Variants in CREB3L2 observed in about 807,000 individuals in gnomAD.
CREB3L2 encodes cAMP responsive element binding protein 3 like 2.
In CREB3L2, 23 loss-of-function variants were observed where a neutral mutation model predicts 57.2. The observed-to-expected ratio is 0.40, with a 90% CI of 0.29 to 0.57. The LOEUF (loss-of-function observed/expected upper bound fraction) is 0.57. Among genes scored for constraint, CREB3L2 ranks in the 20% least tolerant of loss-of-function variants. CREB3L2 has a pLI of 0.42. For missense variants in CREB3L2, 628 were observed against 634.7 expected (o/e 0.99, Z 0.11); for synonymous variants, 268 against 265.1 (o/e 1.01, Z -0.11).
chr7:137,964,080 C>T (rs1585662410), intron 1 of CREB3L2, among the ~76,000 whole-genome samples: 1 of 152,076 alleles, frequency 6.6e-6, no homozygotes, highest in Non-Finnish European at 1.5e-5. Flanking sequence ...TTTGGGAGGT[C>T]GTGGCGGGCG....
At chr7:137,985,155 A>T (rs758961133) in intron 1 of CREB3L2, among the ~76,000 whole-genome samples, 1 of 152,202 alleles carries the variant, frequency 6.6e-6, no homozygotes, top group South Asian at 2.1e-4. Context: ...GACATTATGG[A>T]AAGGGGGAAG....
intron 8 of CREB3L2, among the ~76,000 whole-genome samples, chr7:137,895,826 CAT>C (rs1312080408): frequency 1.3e-5 from 2 of 152,202 alleles, no homozygotes; most frequent in Non-Finnish European, 2.9e-5. Context: ...CCATGCCATG[CAT>C]ATGAAACAAT....
chr7:137,884,928 A>C, intron 10 of CREB3L2, 67 bp downstream of exon 10: 1 of 1,588,888 alleles, frequency 6.3e-7, no homozygotes, highest in Non-Finnish European at 8.6e-7. Flanking sequence ...TCCTTTTGGA[A>C]GACTGAGAAA....
chr7:137,964,114 T>C (rs1463593678), intron 1 of CREB3L2, among the ~76,000 whole-genome samples: 1 of 151,938 alleles, frequency 6.6e-6, no homozygotes, highest in Non-Finnish European at 1.5e-5. Flanking sequence ...CAGGAGTTCG[T>C]AGACCAGCCT....
chr7:137,942,253 T>C (rs1455154212), intron 1 of CREB3L2, among the ~76,000 whole-genome samples: 1 of 152,244 alleles, frequency 6.6e-6, no homozygotes, highest in Non-Finnish European at 1.5e-5. Flanking sequence ...GTTCCTACTT[T>C]GGTGGCACTG....
chr7:137,897,982 G>C (rs1799663011), intron 8 of CREB3L2, among the ~76,000 whole-genome samples: 1 of 152,190 alleles, frequency 6.6e-6, no homozygotes, highest in South Asian at 2.1e-4. Flanking sequence ...GCAGCCCACG[G>C]ATTGGGAGAA....
rs112746477 is a variant in CREB3L2, at chr7:137,886,725, G to GAAA, written c.1044-1226_1044-1224dup. 6.2e-3 allele frequency among the ~76,000 whole-genome samples: 896 copies of GAAA among 143,378 alleles called. 14 individuals carry two copies. The highest frequency in any genetic ancestry group is 0.021 in the African/African-American group (816 of 39,686). 94.1% of individuals were successfully genotyped at this position (143,378 alleles called of 152,430 possible). On this transcript the variant is annotated intron_variant, in intron 8 of 11. Transcript: ENST00000330387. ...GGAAAAAGACAAGAGAGCAAGAGCA[G>GAAA]AAAAAAAAAAAGGAGACGTTTTATC... is the stretch of plus-strand genomic sequence containing the variant.
chr7:137,912,291 C>T (rs560329103), intron 4 of CREB3L2, among the ~76,000 whole-genome samples: 3 of 151,338 alleles, frequency 2.0e-5, no homozygotes, highest in African/African-American at 4.9e-5. Context: ...GCACAAGAAT[C>T]GCTTGAACCT....
At chr7:137,946,936 TTATATATATAGTTA>T (rs1801004485) in intron 1 of CREB3L2, among the ~76,000 whole-genome samples, 3 of 92,612 alleles carry the variant, frequency 3.2e-5, no homozygotes, top group African/African-American at 1.5e-4. Flanking sequence ...ATATATATAG[TTATATATATAGTTA>T]TATATATATA....
At position 137,885,075 on chromosome 7, in the gene CREB3L2, C is replaced by T. The variant is rs955251930; in HGVS notation, c.1190G>A (p.Gly397Asp). 6.2e-7 allele frequency: 1 copy of T among 1,614,172 alleles called. No individual in the cohort carries two copies. Among genetic ancestry groups the T allele is most frequent in the Non-Finnish European group, 8.5e-7 (1 of 1,180,030 alleles). The change falls in exon 10 of 12, where the codon GGC (glycine) becomes GAC (aspartate). Residue 397 changes from glycine to aspartate, a missense_variant. Coordinates refer to ENST00000330387, the MANE Select transcript of CREB3L2 (RefSeq NM_194071.4). ...GGTGGCAGAAGGATAGGGCCCGTAG[C>T]CTTGAAAGAAGCTGCCGAATGCAAC... ...FAVAFGSFFQGYGPYPSATKM... is the reference protein window; with the variant it reads ...FAVAFGSFFQDYGPYPSATKM...
chr7:137,952,945 G>A (rs531277464), intron 1 of CREB3L2, among the ~76,000 whole-genome samples: 11 of 152,172 alleles, frequency 7.2e-5, no homozygotes, highest in African/African-American at 2.2e-4. Flanking sequence ...AGCCTCTAAC[G>A]TAGCTGGATT....
chr7:137,957,829 A>C (rs186301826), intron 1 of CREB3L2: 36 of 1,249,576 alleles, frequency 2.9e-5, no homozygotes, highest in Admixed American at 4.6e-5. Context: ...GTATTAATTC[A>C]TCAATAAGCA....
At chr7:137,892,975 A>G (rs1344860595) in intron 8 of CREB3L2, among the ~76,000 whole-genome samples, 2 of 152,136 alleles carry the variant, frequency 1.3e-5, no homozygotes, top group African/African-American at 2.4e-5. Flanking sequence ...ACAAAAGACA[A>G]CCATATCAGC....
At chr7:137,975,670 C>T (rs1261894063) in intron 1 of CREB3L2, among the ~76,000 whole-genome samples, 3 of 152,116 alleles carry the variant, frequency 2.0e-5, no homozygotes, top group Non-Finnish European at 4.4e-5. Flanking sequence ...TCCAGCACCT[C>T]AACATCCAAT....
chr7:137,913,174 G>A, intron 3 of CREB3L2, 96 bp from the exon 4 acceptor site: 1 of 1,258,514 alleles, frequency 7.9e-7, no homozygotes, highest in South Asian at 1.5e-5. Context: ...TTCCTCTCGG[G>A]ACAGCCCTGC....
In CREB3L2 at chr7:137,903,976, C is replaced by G. The variant is rs1164628047; in HGVS notation, c.957G>C (p.Met319Ile). Residue 319 changes from methionine to isoleucine, a missense_variant, in exon 7 of 12, where the codon ATG (methionine) becomes ATC (isoleucine). Met to Ile is a conservative substitution (Grantham distance 10, BLOSUM62 1). This residue lies in a region of CREB3L2 where 272 missense variants were observed against 242.7 expected (regional missense o/e 1.12). Coordinates refer to ENST00000330387, the MANE Select transcript of CREB3L2 (RefSeq NM_194071.4). The stretch of plus-strand genomic sequence containing the variant: ...AGGCTTACTTTTTCTCCAGGCTGTC[C>G]ATGTATTCTTTCTTCTTTCTCCTAC... Reference protein sequence around the residue: ...QESRRKKKEYMDSLEKKVESC... With the variant: ...QESRRKKKEYIDSLEKKVESC... 6.2e-7 allele frequency: 1 copy of G among 1,613,858 alleles called. No homozygotes were observed. Among genetic ancestry groups the G allele is most frequent in the Non-Finnish European group, 8.5e-7 (1 of 1,179,760 alleles).
chr7:137,916,891 T>C (rs1800150115), intron 2 of CREB3L2, among the ~76,000 whole-genome samples: 1 of 151,812 alleles, frequency 6.6e-6, no homozygotes, highest in Non-Finnish European at 1.5e-5. Flanking sequence ...ACATGGTGAG[T>C]AGGTCTCTCT....
In CREB3L2 at chr7:137,908,398, T is replaced by A; in HGVS notation, c.622A>T (p.Ser208Cys). Residue 208 changes from serine (S) to cysteine (C), a missense_variant, in exon 5 of 12, where the codon AGC (serine) becomes TGC (cysteine). Physicochemically the swap from Ser to Cys is moderately radical, Grantham distance 112. Coordinates refer to ENST00000330387, the MANE Select transcript of CREB3L2 (RefSeq NM_194071.4). ...DHLHLPPTPP[S>C]SHGSDSEGSL... ...CCCTCTGAGTCACTGCCGTGACTGC[T>A]CGGAGGGGTGGGCGGCAAATGCAGG... 7.9e-7 allele frequency: 1 copy of A among 1,265,940 alleles called. No individual in the cohort carries two copies. The allele number at this position is 1,265,940 out of a possible 1,614,324, so 78.4% of individuals were successfully genotyped here.
intron 1 of CREB3L2, among the ~76,000 whole-genome samples, chr7:137,942,622 G>C (rs1330074617): frequency 6.6e-6 from 1 of 152,266 alleles, no homozygotes; most frequent in East Asian, 1.9e-4. Context: ...TTCTAAGAAA[G>C]ACCATAAATA....
Sources: gnomAD v4.1 joint callset for allele counts (sites outside exome capture counted in the v4.1 genomes callset) on GRCh38, gnomAD v4.1.1 for gene constraint, gnomAD v4.1.1 regional missense constraint, MANE v1.5 for transcripts, NCBI Gene and HGNC (gene_info 2026-07-23, HGNC 2026-07-21) for gene names.